The following NOL4L variants were observed in gnomAD, a reference collection of about 807,000 sequenced individuals.
NOL4L encodes the protein nucleolar protein 4 like.
NOL4L carries 7 observed loss-of-function variants against 64.5 expected under a neutral mutation model. That is an observed-to-expected ratio of 0.11 (90% CI 0.06 to 0.20). The LOEUF (loss-of-function observed/expected upper bound fraction) is 0.20. Ranked by LOEUF, NOL4L falls within the 10% of genes least tolerant of loss-of-function variation. The pLI is 1.00. For missense variants in NOL4L, 680 were observed against 967.1 expected, an observed-to-expected ratio of 0.70 and a Z score of 3.94; for synonymous variants, 413 against 401.0, an observed-to-expected ratio of 1.03 and a Z score of -0.36.
Position 32,567,960 on chromosome 20 carries a change from CCACCATCATCGT to C in NOL4L, c.321+16598_321+16609del, listed in dbSNP as rs544437501. On this transcript the variant is annotated intron_variant, in intron 1 of 10. Coordinates refer to ENST00000621426, the MANE Select transcript of NOL4L (RefSeq NM_001256798.2). The stretch of plus-strand genomic sequence containing the variant: ...ATCACCATCACCATCATCTTCATCA[CCACCATCATCGT>C]CACCATCATCGTCACCATCATCACC... Among the ~76,000 whole-genome samples the C allele has an allele frequency of 4.7e-4, 72 of 151,840 alleles. 1 individual carries two copies. The highest frequency in any genetic ancestry group is 8.0e-4 in the Non-Finnish European group (54 of 67,844).
chr20:32,529,311 T>C (rs1403067228), intron 1 of NOL4L, among the ~76,000 whole-genome samples: 1 of 152,204 alleles, frequency 6.6e-6, no homozygotes, highest in African/African-American at 2.4e-5. Context: ...CAGGGATTGC[T>C]AGATATTGTT....
At chr20:32,475,258 G>A (rs893140521) in intron 4 of NOL4L, 1 of 985,342 alleles carries the variant, frequency 1.0e-6, no homozygotes, top group Non-Finnish European at 1.2e-6. Flanking sequence ...CCCCAGCCCA[G>A]AGGACGTTTC....
intron 4 of NOL4L, among the ~76,000 whole-genome samples, chr20:32,476,419 C>A (rs370691377): frequency 1.3e-5 from 2 of 152,292 alleles, no homozygotes; most frequent in South Asian, 2.1e-4. Flanking sequence ...TCGTGCCATG[C>A]GGGCTCCGGG....
intron 4 of NOL4L, among the ~76,000 whole-genome samples, chr20:32,477,655 C>T (rs551830402): frequency 2.6e-5 from 4 of 152,368 alleles, no homozygotes; most frequent in African/African-American, 9.6e-5. Flanking sequence ...TCCCATTGCG[C>T]ACAGTTCTTG....
At chr20:32,581,630 A>G (rs1417661742) in intron 1 of NOL4L, among the ~76,000 whole-genome samples, 1 of 152,032 alleles carries the variant, frequency 6.6e-6, no homozygotes, top group African/African-American at 2.4e-5. Flanking sequence ...CTTCCTTGGA[A>G]TCTTTCTACC....
At chr20:32,564,448 A>G (rs1219582355) in intron 1 of NOL4L, among the ~76,000 whole-genome samples, 1 of 152,236 alleles carries the variant, frequency 6.6e-6, no homozygotes, top group Non-Finnish European at 1.5e-5. Flanking sequence ...CTGGTAGGAC[A>G]TGAAGGAGCC....
intron 4 of NOL4L, among the ~76,000 whole-genome samples, chr20:32,509,162 T>G (rs936201441): frequency 6.6e-6 from 1 of 152,070 alleles, no homozygotes; most frequent in Non-Finnish European, 1.5e-5. Flanking sequence ...ACTTCCTCCA[T>G]TGTTTATCAC....
chr20:32,482,504 T>C lies in NOL4L; in HGVS notation c.700-7762A>G, dbSNP rs1244989209. Reference sequence around the variant, plus strand: ...GGATTGCACTCCCCCCTCCTCCCTATCCAAAGTGTCCAGCCTTGAAGACAA... The same window carrying C: ...GGATTGCACTCCCCCCTCCTCCCTACCCAAAGTGTCCAGCCTTGAAGACAA... On this transcript the variant is annotated intron_variant, in intron 4 of 10. Coordinates refer to ENST00000621426, the MANE Select transcript of NOL4L (RefSeq NM_001256798.2). Among the ~76,000 whole-genome samples the C allele has an allele frequency of 2.0e-5, 3 of 151,992 alleles. No homozygotes were observed. In the East Asian group the frequency reaches 5.8e-4, roughly 30 times the overall value.
chr20:32,562,885 G>C (rs1979122607), intron 1 of NOL4L, among the ~76,000 whole-genome samples: 1 of 136,114 alleles, frequency 7.3e-6, no homozygotes, highest in Non-Finnish European at 1.6e-5. Context: ...TCCTAAGGAG[G>C]GCAGGGAGGG....
At chr20:32,557,367 C>T (rs1002294029) in intron 1 of NOL4L, among the ~76,000 whole-genome samples, 3 of 152,226 alleles carry the variant, frequency 2.0e-5, no homozygotes, top group Admixed American at 6.5e-5. Context: ...CTCAACATCT[C>T]CTTGGTCCCT....
At chr20:32,548,109 T>C (rs1481083343) in intron 1 of NOL4L, among the ~76,000 whole-genome samples, 1 of 152,250 alleles carries the variant, frequency 6.6e-6, no homozygotes, top group Non-Finnish European at 1.5e-5. Context: ...TAGGTACTAT[T>C]GTCAATACCG....
chr20:32,493,346 G>C (rs546377047), intron 4 of NOL4L, among the ~76,000 whole-genome samples: 1 of 152,248 alleles, frequency 6.6e-6, no homozygotes, highest in East Asian at 1.9e-4. Context: ...GCTCCGGTGT[G>C]GATGATGGCC....
intron 5 of NOL4L, among the ~76,000 whole-genome samples, 174 bp from the exon 6 acceptor site, chr20:32,456,569 C>A (rs763100366): frequency 6.6e-6 from 1 of 152,202 alleles, no homozygotes; most frequent in Non-Finnish European, 1.5e-5. Context: ...GAGGCAGCCA[C>A]AGGGTCCCCT....
chr20:32,496,764 C>T (rs865911074), intron 4 of NOL4L, among the ~76,000 whole-genome samples: 1 of 152,042 alleles, frequency 6.6e-6, no homozygotes. Flanking sequence ...GTTGGCCGGG[C>T]TGGTCTCGAA....
chr20:32,517,465 C>A (rs1194393620), intron 3 of NOL4L, among the ~76,000 whole-genome samples: 2 of 152,232 alleles, frequency 1.3e-5, no homozygotes, highest in Non-Finnish European at 2.9e-5. Flanking sequence ...GATCTGCAGG[C>A]TTTCAGCGGG....
At chr20:32,466,893 G>C (rs561344359) in intron 5 of NOL4L, among the ~76,000 whole-genome samples, 1 of 152,288 alleles carries the variant, frequency 6.6e-6, no homozygotes, top group African/African-American at 2.4e-5. Flanking sequence ...ATGAGTGTTG[G>C]GTCCACGGGG....
At chr20:32,580,937 G>C (rs976316145) in intron 1 of NOL4L, among the ~76,000 whole-genome samples, 4 of 152,232 alleles carry the variant, frequency 2.6e-5, no homozygotes, top group Non-Finnish European at 5.9e-5. Flanking sequence ...AAAGGAAAGG[G>C]GTTGTTTTAC....
intron 1 of NOL4L, among the ~76,000 whole-genome samples, chr20:32,536,781 C>G (rs987081738): frequency 8.5e-6 from 1 of 117,918 alleles, no homozygotes; most frequent in Non-Finnish European, 1.7e-5. Flanking sequence ...GGCTCCGCGG[C>G]TGCAGCCCGG....
rs1340271585 is a variant in NOL4L at position 32,509,252 on chromosome 20, T to C, written c.699+2095A>G. Among the ~76,000 whole-genome samples, 5 of 152,084 alleles carry C rather than the reference T, an allele frequency of 3.3e-5. 1 individual carries two copies. The highest frequency in any genetic ancestry group is 7.4e-5 in the Non-Finnish European group (5 of 68,012). On this transcript the variant is annotated intron_variant, in intron 4 of 10. Coordinates refer to ENST00000621426, the MANE Select transcript of NOL4L (RefSeq NM_001256798.2). ...CCTAGATCAGAAGAAAATACAGGGA[T>C]GCCAGCCGGAATCTCAGCACTTTGG...
Sources: allele counts gnomAD v4.1 joint callset (sites outside exome capture counted in the v4.1 genomes callset), GRCh38; gene constraint gnomAD v4.1.1; transcripts MANE v1.5; gene names NCBI Gene and HGNC (gene_info 2026-07-23, HGNC 2026-07-21).